The following GAN variants were observed in gnomAD, a reference collection of about 807,000 sequenced individuals.
GAN encodes gigaxonin, also known as epididymis secretory sperm binding protein.
Under a neutral mutation model 71.3 loss-of-function variants are expected in GAN, and 48 were observed. The observed-to-expected ratio is 0.67, with a 90% CI of 0.53 to 0.86. The LOEUF is 0.86. Among genes scored for constraint, GAN ranks in the 40% least tolerant of loss-of-function variants. The pLI, the probability that GAN is intolerant of heterozygous loss-of-function variation, is 0.00. For missense variants in GAN, 928 were observed against 770.1 expected, an observed-to-expected ratio of 1.21 and a Z score of -2.43; for synonymous variants, 386 against 276.8, an observed-to-expected ratio of 1.39 and a Z score of -3.92.
At chr16:81,318,091 C>T (rs1302728797) in intron 1 of GAN, among the ~76,000 whole-genome samples, 4 of 152,032 alleles carry the variant, frequency 2.6e-5, no homozygotes, top group Non-Finnish European at 4.4e-5. Flanking sequence ...ATTTTAATAC[C>T]AATAATATTG....
chr16:81,365,547 GT>G, intron 9 of GAN, 69 bp downstream of exon 9: 1 of 1,460,022 alleles, frequency 6.8e-7, no homozygotes, highest in Non-Finnish European at 9.6e-7. Flanking sequence ...TTTTAGCTTT[GT>G]TTAGTTTTGT....
At chr16:81,353,292 A>AAAAC (rs1567490929) in intron 2 of GAN, among the ~76,000 whole-genome samples, 65 of 3,084 alleles carry the variant, frequency 0.021, no homozygotes, top group African/African-American at 0.069. Context: ...ACTCCGTCTC[A>AAAAC]AAAAAAAAAA....
At chr16:81,320,887 T>C (rs898636687) in intron 1 of GAN, among the ~76,000 whole-genome samples, 1 of 152,220 alleles carries the variant, frequency 6.6e-6, no homozygotes, top group Non-Finnish European at 1.5e-5. Context: ...GATAGTTTAA[T>C]GGTTCTCAGT....
chr16:81,328,054 C>T (rs1909446754), intron 1 of GAN, among the ~76,000 whole-genome samples: 1 of 152,188 alleles, frequency 6.6e-6, no homozygotes, highest in Admixed American at 6.5e-5. Context: ...TTTTAATCGT[C>T]TTTGAACTCT....
Position 81,389,660 on chromosome 16 carries a change from G to A in GAN, c.*12064G>A, listed in dbSNP as rs1272408599. On this transcript the variant is annotated 3_prime_UTR_variant, in exon 11 of 11. Transcript: ENST00000648994. ...TGTACATTCTTTTGTTTTCCATCAC[G>A]GGTATAGGTCTTCTGCCATGAAAGA... 2 of 152,152 alleles carry A rather than the reference G, an allele frequency of 1.3e-5. No individual in the cohort carries two copies. Among genetic ancestry groups the A allele is most frequent in the African/African-American group, 2.4e-5 (1 of 41,408 alleles). The allele number at this position is 152,152 out of a possible 1,614,324, so 9.4% of individuals were successfully genotyped here.
chr16:81,358,522 T>C (rs1910566168), intron 5 of GAN, among the ~76,000 whole-genome samples: 1 of 151,470 alleles, frequency 6.6e-6, no homozygotes, highest in African/African-American at 2.4e-5. Context: ...GGTGGGAGAA[T>C]CTCTTGAGCC....
rs953876631 is a variant in GAN, at chr16:81,386,220, C to G, written c.*8624C>G. The stretch of plus-strand genomic sequence containing the variant: ...TGCCCAGTGAAATTCTCTAATAATA[C>G]TTAAAACTCTTTACTAAAGTTGAAT... On this transcript the variant is annotated 3_prime_UTR_variant, in exon 11 of 11. Coordinates refer to ENST00000648994, the MANE Select transcript of GAN (RefSeq NM_022041.4). The G allele has an allele frequency of 2.0e-5, 3 of 152,190 alleles. No homozygotes were observed. Among genetic ancestry groups the G allele is most frequent in the Admixed American group, 6.5e-5 (1 of 15,284 alleles). The allele number at this position is 152,190 out of a possible 1,614,324, so 9.4% of individuals were successfully genotyped here.
chr16:81,328,076 C>G (rs1314577904), intron 1 of GAN, among the ~76,000 whole-genome samples: 1 of 152,192 alleles, frequency 6.6e-6, no homozygotes, highest in African/African-American at 2.4e-5. Flanking sequence ...AAAATTTTAA[C>G]ATGCATTTTC....
Position 81,353,183 on chromosome 16 carries a change from C to T in GAN, c.283-1222C>T, listed in dbSNP as rs372932648. Among the ~76,000 whole-genome samples the T allele has an allele frequency of 1.3e-3, 196 of 150,120 alleles. 1 individual carries two copies. The highest frequency in any genetic ancestry group is 4.3e-3 in the African/African-American group (177 of 40,700). On this transcript the variant is annotated intron_variant, in intron 2 of 10. Transcript: ENST00000648994. ...GCGGGCGCCTGTAGTCCCGGCTACT[C>T]GGGAGGCTGAGGCAGGAGAATGGCG...
intron 1 of GAN, among the ~76,000 whole-genome samples, chr16:81,319,720 T>C (rs1597387337): frequency 6.6e-6 from 1 of 151,860 alleles, no homozygotes; most frequent in African/African-American, 2.4e-5. Flanking sequence ...CCCCCCCTTA[T>C]TTTTTGAGAG....
chr16:81,370,039 T>C (rs896686570), intron 9 of GAN, among the ~76,000 whole-genome samples: 2 of 152,264 alleles, frequency 1.3e-5, no homozygotes, highest in Admixed American at 6.5e-5. Flanking sequence ...CTAATGTATT[T>C]TCTTCATACC....
intron 4 of GAN, 115 bp downstream of exon 4, chr16:81,357,117 T>A: frequency 1.3e-6 from 1 of 783,546 alleles, no homozygotes; most frequent in South Asian, 1.4e-5. Context: ...TTGATTTTTT[T>A]TTTTATACTT....
intron 1 of GAN, among the ~76,000 whole-genome samples, chr16:81,322,712 T>G (rs1295270774): frequency 2.6e-5 from 4 of 152,230 alleles, no homozygotes; most frequent in African/African-American, 7.2e-5. Context: ...AAACATAGTT[T>G]TATGGTCCTA....
chr16:81,315,173 C>G lies in GAN; in HGVS notation c.60C>G (p.Leu20=), dbSNP rs750354362. The change falls in exon 1 of 11, where the codon CTC becomes CTG. Residue 20 remains leucine (L), a synonymous_variant. Transcript: ENST00000648994. ...ACGCCGCGCGTCTGCTGCGAGCGCTCAGCTCTTTCCGCGAGGAGTCTCGCT... is the reference window on the plus strand; with the variant it reads ...ACGCCGCGCGTCTGCTGCGAGCGCTGAGCTCTTTCCGCGAGGAGTCTCGCT... The part of the protein sequence containing the change: ...PQHAARLLRA[L]SSFREESRFC... 2 of 1,567,698 alleles carry G rather than the reference C, an allele frequency of 1.3e-6. No homozygotes were observed. The highest frequency in any genetic ancestry group is 1.7e-6 in the Non-Finnish European group (2 of 1,159,386).
chr16:81,376,463 ATATGTGTGTGTGTGTGTGTG>A lies in GAN; in HGVS notation c.1503-754_1503-735del, dbSNP rs1377252284. On this transcript the variant is annotated intron_variant, in intron 9 of 10. Transcript: ENST00000648994. ...GGCAATATCCCATCTTTATACATAC[ATATGTGTGTGTGTGTGTGTG>A]TGTGTGTGTGTGTGTGTGTGTGTGT... 5.9e-3 allele frequency among the ~76,000 whole-genome samples: 533 copies of A among 90,120 alleles called. 5 individuals carry two copies. The highest frequency in any genetic ancestry group is 0.019 in the African/African-American group (501 of 26,714). The allele number at this position is 90,120 out of a possible 152,430, so 59.1% of individuals were successfully genotyped here.
intron 1 of GAN, among the ~76,000 whole-genome samples, chr16:81,323,461 A>C (rs78416810): frequency 6.6e-6 from 1 of 152,194 alleles, no homozygotes; most frequent in South Asian, 2.1e-4. Flanking sequence ...CTGTCATAAT[A>C]AGTCTTGGGA....
chr16:81,388,232 C>G lies in GAN; in HGVS notation c.*10636C>G, dbSNP rs1904460959. 3 of 152,198 alleles carry G rather than the reference C, an allele frequency of 2.0e-5. No individual in the cohort carries two copies. The allele number at this position is 152,198 out of a possible 1,614,324, so 9.4% of individuals were successfully genotyped here. Reference sequence around the variant, plus strand: ...CTCTTCCAGCCTGGTTTTTTTACTGCTTGAATTATGTATCCAAAATAAAAA... The same window carrying G: ...CTCTTCCAGCCTGGTTTTTTTACTGGTTGAATTATGTATCCAAAATAAAAA... On this transcript the variant is annotated 3_prime_UTR_variant, in exon 11 of 11. Coordinates refer to ENST00000648994, the MANE Select transcript of GAN (RefSeq NM_022041.4).
chr16:81,375,892 T>TC (rs1001209777), intron 9 of GAN, among the ~76,000 whole-genome samples: 4 of 147,996 alleles, frequency 2.7e-5, no homozygotes, highest in Non-Finnish European at 5.9e-5. Flanking sequence ...ATCACTAGAG[T>TC]CCAAGAGGTT....
intron 5 of GAN, among the ~76,000 whole-genome samples, chr16:81,358,801 G>T (rs1437397755): frequency 6.6e-6 from 1 of 152,172 alleles, no homozygotes; most frequent in African/African-American, 2.4e-5. Context: ...TGCCTTTGCT[G>T]GCTGCCTGTC....
Sources: allele counts gnomAD v4.1 joint callset (sites outside exome capture counted in the v4.1 genomes callset), GRCh38; gene constraint gnomAD v4.1.1; transcripts MANE v1.5; gene names NCBI Gene and HGNC (gene_info 2026-07-23, HGNC 2026-07-21).